Variants in NELL1 observed in about 807,000 individuals in gnomAD.
The protein encoded by NELL1 is protein kinase C-binding protein NELL1.
In NELL1, 76 loss-of-function variants were observed where a neutral mutation model predicts 107.4. The observed-to-expected ratio is 0.71, with a 90% CI of 0.59 to 0.86. NELL1 has a LOEUF of 0.86. Ranked by LOEUF, NELL1 falls within the 40% of genes least tolerant of loss-of-function variation. NELL1 has a pLI of 0.00. For missense variants in NELL1, 1,024 were observed against 1,005.5 expected, an observed-to-expected ratio of 1.02 and a Z score of -0.25; for synonymous variants, 353 against 341.2, an observed-to-expected ratio of 1.03 and a Z score of -0.38.
In NELL1 at chr11:21,201,387, T is replaced by A. The variant is rs191167694; in HGVS notation, c.1427-27945T>A. ...ATTCCTAGGTATTTTATTCTCTTTC[T>A]AGCAATTGTGAATGGTAGTTCACTC... On this transcript the variant is annotated intron_variant, in intron 13 of 19. Coordinates refer to ENST00000357134, the MANE Select transcript of NELL1 (RefSeq NM_006157.5). 6.6e-3 allele frequency among the ~76,000 whole-genome samples: 1,010 copies of A among 152,286 alleles called. 12 individuals are homozygous for A. The highest frequency in any genetic ancestry group is 0.022 in the African/African-American group (921 of 41,560).
intron 3 of NELL1, among the ~76,000 whole-genome samples, chr11:20,793,215 T>C (rs1033665202): frequency 6.6e-6 from 1 of 152,002 alleles, no homozygotes; most frequent in African/African-American, 2.4e-5. Context: ...TCTATCTAAT[T>C]ACTTTTGAGC....
intron 2 of NELL1, among the ~76,000 whole-genome samples, chr11:20,710,635 A>T (rs1251787826): frequency 6.6e-6 from 1 of 151,954 alleles, no homozygotes; most frequent in Non-Finnish European, 1.5e-5. Context: ...TGAATGTTTG[A>T]TAGAGTTTAG....
intron 15 of NELL1, among the ~76,000 whole-genome samples, chr11:21,374,343 C>G (rs1332047930): frequency 1.3e-5 from 2 of 151,962 alleles, no homozygotes. Flanking sequence ...GAGTCTGTTT[C>G]CAAGATGGCT....
intron 15 of NELL1, among the ~76,000 whole-genome samples, chr11:21,404,014 C>T (rs566343629): frequency 1.7e-5 from 2 of 116,448 alleles, no homozygotes; most frequent in African/African-American, 3.1e-5. Context: ...AACCCCCCCC[C>T]CCGCAATCAA....
chr11:21,294,147 A>G (rs1168925561), intron 14 of NELL1, among the ~76,000 whole-genome samples: 1 of 152,138 alleles, frequency 6.6e-6, no homozygotes, highest in Non-Finnish European at 1.5e-5. Context: ...TCACATGGGC[A>G]TTGCTTAATC....
rs563241482 is a variant in NELL1 at position 21,552,546 on chromosome 11, T to A, written c.1787-7643T>A. Reference sequence around the variant, plus strand: ...ATAAAGAGAATTTGATCCTCCAAAGTCTAGAGCAGTGGACTCAAGTCTCCT... The same window carrying A: ...ATAAAGAGAATTTGATCCTCCAAAGACTAGAGCAGTGGACTCAAGTCTCCT... On this transcript the variant is annotated intron_variant, in intron 16 of 19. Transcript: ENST00000357134. Among the ~76,000 whole-genome samples, 44 of 151,890 alleles carry A rather than the reference T, an allele frequency of 2.9e-4. No homozygotes were observed. The South Asian group carries it at 6.6e-3, about 23-fold the overall frequency.
chr11:21,574,866 G>T, intron 19 of NELL1, 106 bp from the exon 20 acceptor site: 5 of 878,204 alleles, frequency 5.7e-6, no homozygotes, highest in South Asian at 1.5e-5. Flanking sequence ...TAGCCTTCTT[G>T]AAGTTTGTCT....
chr11:21,134,813 G>T (rs973127339), intron 13 of NELL1, among the ~76,000 whole-genome samples: 1 of 152,090 alleles, frequency 6.6e-6, no homozygotes, highest in Non-Finnish European at 1.5e-5. Flanking sequence ...GAGTATTGGA[G>T]GTATGACTGA....
chr11:20,730,376 G>A (rs1855611114), intron 2 of NELL1, among the ~76,000 whole-genome samples: 1 of 152,068 alleles, frequency 6.6e-6, no homozygotes, highest in South Asian at 2.1e-4. Flanking sequence ...ATTTTACTGG[G>A]GAAAGGGTCT....
rs149078743 is a variant in NELL1 at position 21,448,149 on chromosome 11, T to TA, written c.1645+77205dup. Among the ~76,000 whole-genome samples the TA allele has an allele frequency of 3.6e-3, 554 of 152,340 alleles. 4 individuals carry two copies. Among genetic ancestry groups the TA allele is most frequent in the African/African-American group, 0.013 (534 of 41,586 alleles). On this transcript the variant is annotated intron_variant, in intron 15 of 19. Transcript: ENST00000357134. ...AGTGCCTCTTTCAACAGTACTAAGT[T>TA]AAAATCAGGTACTGTGATTTCTCAC... is the stretch of plus-strand genomic sequence containing the variant.
At chr11:21,045,561 T>A (rs911298013) in intron 12 of NELL1, among the ~76,000 whole-genome samples, 1 of 152,194 alleles carries the variant, frequency 6.6e-6, no homozygotes, top group African/African-American at 2.4e-5. Flanking sequence ...TATATTAGCA[T>A]ATAGAAAGCT....
At chr11:21,041,544 G>C (rs1349954236) in intron 12 of NELL1, among the ~76,000 whole-genome samples, 1 of 152,118 alleles carries the variant, frequency 6.6e-6, no homozygotes, top group South Asian at 2.1e-4. Flanking sequence ...GTGGTTCCAA[G>C]AGAATGTGTA....
chr11:21,252,055 A>C (rs1858653138), intron 14 of NELL1, among the ~76,000 whole-genome samples: 2 of 152,190 alleles, frequency 1.3e-5, no homozygotes, highest in Admixed American at 1.3e-4. Flanking sequence ...ACATGTTTAC[A>C]CACACTGCTC....
At chr11:21,120,457 T>C (rs778203349) in intron 13 of NELL1, among the ~76,000 whole-genome samples, 2 of 152,166 alleles carry the variant, frequency 1.3e-5, no homozygotes, top group African/African-American at 4.8e-5. Context: ...CGCAACCTGA[T>C]TGAGCAAAAT....
intron 2 of NELL1, among the ~76,000 whole-genome samples, chr11:20,751,569 T>C (rs1856139509): frequency 6.6e-6 from 1 of 152,146 alleles, no homozygotes; most frequent in Admixed American, 6.5e-5. Flanking sequence ...CTTGAACTCC[T>C]GGGCTCAAGT....
At chr11:21,175,217 C>T (rs1416279705) in intron 13 of NELL1, among the ~76,000 whole-genome samples, 2 of 151,686 alleles carry the variant, frequency 1.3e-5, no homozygotes, top group Non-Finnish European at 2.9e-5. Context: ...GTTTGTGAGC[C>T]AGTAACCGCA....
At chr11:20,738,521 T>C (rs369556337) in intron 2 of NELL1, among the ~76,000 whole-genome samples, 3 of 152,196 alleles carry the variant, frequency 2.0e-5, no homozygotes, top group African/African-American at 7.2e-5. Context: ...GTCACTTTGC[T>C]GTTTGTGTTC....
intron 12 of NELL1, among the ~76,000 whole-genome samples, chr11:21,006,885 A>G (rs544176518): frequency 6.6e-6 from 1 of 152,260 alleles, no homozygotes; most frequent in South Asian, 2.1e-4. Flanking sequence ...AGTGAAATAA[A>G]CATCATCTCT....
intron 12 of NELL1, among the ~76,000 whole-genome samples, chr11:21,099,217 A>C (rs1854735038): frequency 7.0e-6 from 1 of 142,382 alleles, no homozygotes; most frequent in Non-Finnish European, 1.5e-5. Context: ...ACACACACAC[A>C]CACACACACA....
Sources: gnomAD v4.1 joint callset for allele counts (sites outside exome capture counted in the v4.1 genomes callset) on GRCh38, gnomAD v4.1.1 for gene constraint, MANE v1.5 for transcripts, NCBI Gene and HGNC (gene_info 2026-07-23, HGNC 2026-07-21) for gene names.